The following ADGRB3 variants were observed in gnomAD, a reference collection of about 807,000 sequenced individuals.
ADGRB3 encodes the protein brain-specific angiogenesis inhibitor 3.
A neutral mutation model predicts 193.4 loss-of-function variants in ADGRB3; 37 were observed. The ratio of observed to expected loss-of-function variants is 0.19; its 90% CI spans 0.15 to 0.25. ADGRB3 has a LOEUF of 0.25. Among genes scored for constraint, ADGRB3 ranks in the 10% least tolerant of loss-of-function variants. The pLI is 1.00. For missense variants in ADGRB3, 1,637 were observed against 1,852.9 expected (o/e 0.88, Z 2.14); for synonymous variants, 690 against 644.2 (o/e 1.07, Z -1.08).
At chr6:68,638,580 GGCT>G in intron 2 of ADGRB3, 78 bp from the exon 3 acceptor site, 5 of 1,340,300 alleles carry the variant, frequency 3.7e-6, no homozygotes, top group Non-Finnish European at 5.0e-6. Flanking sequence ...GAAAACAGCT[GGCT>G]GTAATATTGA....
chr6:68,959,745 A>C (rs1768181245), intron 8 of ADGRB3, among the ~76,000 whole-genome samples: 1 of 152,142 alleles, frequency 6.6e-6, no homozygotes, highest in Admixed American at 6.6e-5. Flanking sequence ...GTTTTCATAA[A>C]AAATAATTGT....
rs903167534 is a variant in ADGRB3 at position 68,936,616 on chromosome 6, C to T, written c.966C>T (p.Tyr322=). 4 of 1,613,788 alleles carry T rather than the reference C, an allele frequency of 2.5e-6. No individual in the cohort carries two copies. The highest frequency in any genetic ancestry group is 2.5e-6 in the Non-Finnish European group (3 of 1,179,964). ...GAACCAGAACTTGTGTATCACCTTACGGGACACACTGCAGCGGCCCATTAA... is the reference window on the plus strand; with the variant it reads ...GAACCAGAACTTGTGTATCACCTTATGGGACACACTGCAGCGGCCCATTAA... ...QVRTRTCVSP[Y]GTHCSGPLRE... is the part of the protein sequence containing the mutation. Residue 322 remains tyrosine (Y), a synonymous_variant, in exon 5 of 32, where the codon TAC becomes TAT. Transcript: ENST00000370598.
At chr6:68,864,113 G>A (rs1354453735) in intron 3 of ADGRB3, among the ~76,000 whole-genome samples, 1 of 151,948 alleles carries the variant, frequency 6.6e-6, no homozygotes, top group Non-Finnish European at 1.5e-5. Flanking sequence ...TTTGATCAGG[G>A]AAAAAACAAA....
chr6:69,093,260 A>T (rs1243048177), intron 17 of ADGRB3, among the ~76,000 whole-genome samples: 2 of 150,156 alleles, frequency 1.3e-5, no homozygotes, highest in Non-Finnish European at 3.0e-5. Context: ...TGAGGTAGCC[A>T]GCCTTGGTTC....
rs562254201 is a variant in ADGRB3, at chr6:69,175,416, T to G, written c.2481-57874T>G. The stretch of plus-strand genomic sequence containing the variant: ...AGGGAGTCCTTTTCTCATTGCTTAT[T>G]TTTGTCAACTTTGTTGTAAATCAGA... On this transcript the variant is annotated intron_variant, in intron 17 of 31. Transcript: ENST00000370598. Among the ~76,000 whole-genome samples, 236 of 152,302 alleles carry G rather than the reference T, an allele frequency of 1.5e-3. 3 individuals are homozygous for G. Among genetic ancestry groups the G allele is most frequent in the African/African-American group, 5.3e-3 (219 of 41,562 alleles).
chr6:68,921,118 C>T (rs1320924082), intron 3 of ADGRB3, among the ~76,000 whole-genome samples: 1 of 152,022 alleles, frequency 6.6e-6, no homozygotes, highest in East Asian at 1.9e-4. Context: ...AGCAAGAAAA[C>T]ATGGTAAAGA....
chr6:69,129,918 A>G (rs1350365678), intron 17 of ADGRB3, among the ~76,000 whole-genome samples: 1 of 152,124 alleles, frequency 6.6e-6, no homozygotes, highest in Non-Finnish European at 1.5e-5. Flanking sequence ...CCTTTCCAGT[A>G]AATAACCTAC....
chr6:69,336,136 G>C (rs1194147311), intron 24 of ADGRB3, among the ~76,000 whole-genome samples: 1 of 151,846 alleles, frequency 6.6e-6, no homozygotes, highest in Admixed American at 6.6e-5. Context: ...TTGTTGTACA[G>C]ATTATTTTAT....
chr6:69,189,735 C>G (rs984264551), intron 17 of ADGRB3, among the ~76,000 whole-genome samples: 3 of 152,114 alleles, frequency 2.0e-5, no homozygotes, highest in African/African-American at 7.2e-5. Context: ...TGTCTCTTTG[C>G]TTTGTGAGGT....
chr6:68,701,837 C>T (rs1765247622), intron 3 of ADGRB3, among the ~76,000 whole-genome samples: 1 of 152,124 alleles, frequency 6.6e-6, no homozygotes, highest in African/African-American at 2.4e-5. Flanking sequence ...CGTAACACAC[C>T]AGGAAACATC....
intron 20 of ADGRB3, among the ~76,000 whole-genome samples, chr6:69,285,146 T>C (rs1767521042): frequency 6.6e-6 from 1 of 152,224 alleles, no homozygotes. Flanking sequence ...GGATTGACAG[T>C]AGTAATAGTT....
intron 3 of ADGRB3, among the ~76,000 whole-genome samples, chr6:68,869,378 T>C (rs1311733157): frequency 2.0e-5 from 3 of 152,206 alleles, no homozygotes; most frequent in African/African-American, 7.2e-5. Context: ...GGAATATCTT[T>C]AGTTGTTTTG....
At chr6:69,261,072 A>G (rs1766914423) in intron 20 of ADGRB3, among the ~76,000 whole-genome samples, 1 of 152,162 alleles carries the variant, frequency 6.6e-6, no homozygotes, top group Admixed American at 6.6e-5. Flanking sequence ...TTTTTACTAC[A>G]GGCTTTTGTA....
intron 17 of ADGRB3, among the ~76,000 whole-genome samples, chr6:69,181,376 A>G (rs890932237): frequency 7.2e-5 from 11 of 152,188 alleles, no homozygotes; most frequent in African/African-American, 2.7e-4. Flanking sequence ...TTAAAAAAAT[A>G]CATTATTCCA....
intron 3 of ADGRB3, among the ~76,000 whole-genome samples, chr6:68,902,855 T>C (rs1766436281): frequency 6.6e-6 from 1 of 152,150 alleles, no homozygotes; most frequent in African/African-American, 2.4e-5. Context: ...TCACCTCACA[T>C]ATATGATTTT....
At chr6:68,761,217 T>A (rs915194669) in intron 3 of ADGRB3, among the ~76,000 whole-genome samples, 2 of 152,258 alleles carry the variant, frequency 1.3e-5, no homozygotes, top group South Asian at 2.1e-4. Context: ...AGTCTCCAGG[T>A]GAAAGGCAAC....
At chr6:68,832,482 A>G (rs867226577) in intron 3 of ADGRB3, among the ~76,000 whole-genome samples, 1 of 152,316 alleles carries the variant, frequency 6.6e-6, no homozygotes. Flanking sequence ...CTCTAGACCC[A>G]AAGTCTAAAA....
chr6:68,912,777 C>T (rs1187678806), intron 3 of ADGRB3, among the ~76,000 whole-genome samples: 1 of 152,128 alleles, frequency 6.6e-6, no homozygotes, highest in East Asian at 1.9e-4. Context: ...ACTCGGGAAA[C>T]ACAAGGGGTC....
chr6:68,675,693 A>G (rs535134215), intron 3 of ADGRB3, among the ~76,000 whole-genome samples: 1 of 152,302 alleles, frequency 6.6e-6, no homozygotes, highest in African/African-American at 2.4e-5. Context: ...AGGAGTTTTC[A>G]TCGCCAGGGC....
Sources: allele counts gnomAD v4.1 joint callset (sites outside exome capture counted in the v4.1 genomes callset), GRCh38; gene constraint gnomAD v4.1.1; transcripts MANE v1.5; gene names NCBI Gene and HGNC (gene_info 2026-07-23, HGNC 2026-07-21).